DSTYK: variants seen among roughly 807,000 people sequenced by gnomAD.
DSTYK encodes dual serine/threonine and tyrosine protein kinase, also known as RIP-homologous kinase.
A neutral mutation model predicts 98.7 loss-of-function variants in DSTYK; 34 were observed. The observed-to-expected ratio is 0.34, with a 90% CI of 0.26 to 0.46. The LOEUF is 0.46. DSTYK is among the 20% of genes least tolerant of loss of function. The pLI, the probability that DSTYK is intolerant of heterozygous loss-of-function variation, is 1.00. For synonymous variants in DSTYK, 462 were observed against 457.3 expected (o/e 1.01, Z -0.13); for missense variants, 962 against 1,181.7 (o/e 0.81, Z 2.73).
At chr1:205,200,827 A>G (rs1180516384) in intron 1 of DSTYK, among the ~76,000 whole-genome samples, 2 of 152,180 alleles carry the variant, frequency 1.3e-5, no homozygotes, top group African/African-American at 4.8e-5. Context: ...CATGAAAATA[A>G]TTCTTTGGGA....
At chr1:205,204,845 A>T (rs573522298) in intron 1 of DSTYK, among the ~76,000 whole-genome samples, 3 of 152,324 alleles carry the variant, frequency 2.0e-5, no homozygotes, top group African/African-American at 7.2e-5. Context: ...CAATGGAATC[A>T]TACAATATGT....
Position 205,144,301 on chromosome 1 carries a change from C to T in DSTYK, c.*3257G>A, listed in dbSNP as rs1481428424. 6.6e-6 allele frequency: 1 copy of T among 152,576 alleles called. No individual in the cohort carries two copies. The highest frequency in any genetic ancestry group is 2.4e-5 in the African/African-American group (1 of 41,428). 9.5% of individuals were successfully genotyped at this position (152,576 alleles called of 1,614,324 possible). On this transcript the variant is annotated 3_prime_UTR_variant, in exon 13 of 13. Coordinates refer to ENST00000367162, the MANE Select transcript of DSTYK (RefSeq NM_015375.3). The stretch of plus-strand genomic sequence containing the variant: ...TAGAAGGACAGACCACAATAAGGGT[C>T]ATTCTTTCATGCCATCCTTTTTCTT...
Position 205,211,478 on chromosome 1 carries a change from C to T in DSTYK, c.58G>A (p.Gly20Ser), listed in dbSNP as rs1405401537. 3 of 1,585,592 alleles carry T rather than the reference C, an allele frequency of 1.9e-6. No homozygotes were observed. Among genetic ancestry groups the T allele is most frequent in the African/African-American group, 1.4e-5 (1 of 73,866 alleles). Residue 20 changes from glycine (G) to serine (S), a missense_variant, in exon 1 of 13, where the codon GGC (glycine) becomes AGC (serine). This residue lies in a region of DSTYK where 168 missense variants were observed against 120.0 expected (regional missense o/e 1.40). Transcript: ENST00000367162. ...SEPVSGPGPG[G>S]GGMIRELCRG... Reference sequence around the variant, plus strand: ...CACAGCTCGCGGATCATTCCGCCGCCGCCGGGGCCGGGACCCGAGACGGGC... The same window carrying T: ...CACAGCTCGCGGATCATTCCGCCGCTGCCGGGGCCGGGACCCGAGACGGGC...
chr1:205,210,194 C>T (rs1176916577), intron 1 of DSTYK, among the ~76,000 whole-genome samples: 2 of 152,104 alleles, frequency 1.3e-5, no homozygotes, highest in Non-Finnish European at 2.9e-5. Flanking sequence ...TGAGCCACCG[C>T]GCCCGGCCTC....
chr1:205,159,352 G>A (rs1219470052), intron 9 of DSTYK, among the ~76,000 whole-genome samples, 195 bp downstream of exon 9: 3 of 152,156 alleles, frequency 2.0e-5, no homozygotes, highest in Non-Finnish European at 4.4e-5. Flanking sequence ...GCCTCCCCAC[G>A]TGCTGGGATT....
chr1:205,148,453 T>G, intron 11 of DSTYK, 114 bp from the exon 12 acceptor site: 1 of 1,318,788 alleles, frequency 7.6e-7, no homozygotes, highest in Non-Finnish European at 1.0e-6. Flanking sequence ...ACAACTATTA[T>G]CTCTCAATAA....
At chr1:205,164,091 T>C (rs376213550) in intron 3 of DSTYK, 136 bp from the exon 4 acceptor site, 1 of 719,774 alleles carries the variant, frequency 1.4e-6, no homozygotes, top group Non-Finnish European at 2.3e-6. Context: ...TCGTTGATGA[T>C]GTCTAACTCT....
At chr1:205,198,164 G>T (rs977316355) in intron 1 of DSTYK, among the ~76,000 whole-genome samples, 3 of 151,978 alleles carry the variant, frequency 2.0e-5, no homozygotes, top group Non-Finnish European at 2.9e-5. Flanking sequence ...TTGTACTCCA[G>T]CCTGGGCAAC....
At position 205,169,680 on chromosome 1, in the gene DSTYK, T is replaced by C; in HGVS notation, c.807A>G (p.Arg269=). 6.2e-7 allele frequency: 1 copy of C among 1,614,236 alleles called. No individual in the cohort carries two copies. Among genetic ancestry groups the C allele is most frequent in the Non-Finnish European group, 8.5e-7 (1 of 1,180,034 alleles). ...ERDEQELQEI[R]KYFSFPVFFF... ...AGAATACAGGAAAGGAGAAATACTT[T>C]CGGATTTCCTGAAGCTCTTGCTCAT... Residue 269 remains arginine, a synonymous_variant, in exon 3 of 13, where the codon CGA becomes CGG. Transcript: ENST00000367162. The surrounding 1 kb of genome is among the most constrained non-coding windows in gnomAD (Gnocchi z 4.0).
intron 1 of DSTYK, among the ~76,000 whole-genome samples, chr1:205,205,286 C>T (rs764314633): frequency 6.6e-5 from 10 of 152,062 alleles, no homozygotes; most frequent in Non-Finnish European, 1.3e-4. Context: ...CTCCCCACCC[C>T]TAAGCCCCAT....
At chr1:205,193,240 A>G (rs1370760056) in intron 1 of DSTYK, among the ~76,000 whole-genome samples, 1 of 152,142 alleles carries the variant, frequency 6.6e-6, no homozygotes, top group Non-Finnish European at 1.5e-5. Context: ...GACTACTCTG[A>G]AAAGAGAAGA....
chr1:205,179,944 T>C (rs1482885711), intron 2 of DSTYK, among the ~76,000 whole-genome samples: 3 of 152,112 alleles, frequency 2.0e-5, no homozygotes, highest in African/African-American at 7.2e-5. Flanking sequence ...AGGAAGCCAT[T>C]TGGTGCAGGA....
intron 9 of DSTYK, among the ~76,000 whole-genome samples, chr1:205,158,660 C>G (rs1657627411): frequency 6.6e-6 from 1 of 152,174 alleles, no homozygotes; most frequent in Admixed American, 6.5e-5. Context: ...TGCCCAGTGT[C>G]CTTACCGGCC....
In DSTYK at chr1:205,163,787, C is replaced by G. The variant is rs1231802409; in HGVS notation, c.1493G>C (p.Cys498Ser). 1 of 1,614,158 alleles carries G rather than the reference C, an allele frequency of 6.2e-7. No individual in the cohort carries two copies. Among genetic ancestry groups the G allele is most frequent in the South Asian group, 1.1e-5 (1 of 91,078 alleles). The change falls in exon 4 of 13, where the codon TGT becomes TCT. Residue 498 changes from cysteine (C) to serine (S), a missense_variant. Transcript: ENST00000367162. ...CTGAGACTTCTCCAGGCTCTGCAGACATCGTTCCAGGGTTCCGACGAAGCT... is the reference window on the plus strand; with the variant it reads ...CTGAGACTTCTCCAGGCTCTGCAGAGATCGTTCCAGGGTTCCGACGAAGCT... ...RESFVGTLER[C>S]LQSLEKSQDV...
intron 1 of DSTYK, among the ~76,000 whole-genome samples, chr1:205,210,994 G>A (rs1659354952): frequency 6.6e-6 from 1 of 152,134 alleles, no homozygotes; most frequent in South Asian, 2.1e-4. Context: ...GTCCGTCAGC[G>A]CACACCCCGG....
At chr1:205,211,006 C>T (rs990712520) in intron 1 of DSTYK, among the ~76,000 whole-genome samples, 2 of 152,220 alleles carry the variant, frequency 1.3e-5, no homozygotes, top group African/African-American at 4.8e-5. Context: ...ACACCCCGGT[C>T]CCCGGGGTCC....
At chr1:205,181,658 GTGTGTGT>G (rs1658406156) in intron 2 of DSTYK, among the ~76,000 whole-genome samples, 3 of 69,146 alleles carry the variant, frequency 4.3e-5, no homozygotes, top group Non-Finnish European at 7.2e-5. Flanking sequence ...GTTGGGGTTT[GTGTGTGT>G]GTGTGTGTGT....
intron 2 of DSTYK, among the ~76,000 whole-genome samples, chr1:205,171,108 T>C (rs949613571): frequency 2.0e-5 from 3 of 152,006 alleles, no homozygotes; most frequent in African/African-American, 7.2e-5. Flanking sequence ...TCTGTTACAA[T>C]TGAACCTAAT....
chr1:205,202,271 G>T, intron 1 of DSTYK: 1 of 629,742 alleles, frequency 1.6e-6, no homozygotes, highest in Non-Finnish European at 3.1e-6. Context: ...TTCACTTTAA[G>T]AATACTCATG....
Sources: gnomAD v4.1 joint callset for allele counts (sites outside exome capture counted in the v4.1 genomes callset) on GRCh38, gnomAD v4.1.1 for gene constraint, gnomAD v4.1.1 regional missense constraint, Gnocchi (gnomAD v3.1) non-coding constraint, MANE v1.5 for transcripts, NCBI Gene and HGNC (gene_info 2026-07-23, HGNC 2026-07-21) for gene names.